Variants in XKR4 observed in about 807,000 individuals in gnomAD.
XKR4 encodes the protein XK related 4, also known as XK-related protein 4.
Under a neutral mutation model 53.9 loss-of-function variants are expected in XKR4, and 12 were observed. The observed-to-expected ratio is 0.22, with a 90% CI of 0.14 to 0.36. The LOEUF is 0.36. Among genes scored for constraint, XKR4 ranks in the 10% least tolerant of loss-of-function variants. The pLI is 1.00. For synonymous variants in XKR4, 354 were observed against 362.4 expected, an observed-to-expected ratio of 0.98 and a Z score of 0.26; for missense variants, 799 against 859.5, an observed-to-expected ratio of 0.93 and a Z score of 0.88.
At position 55,149,359 on chromosome 8, in the gene XKR4, C is replaced by T. The variant is rs147360923; in HGVS notation, c.806+46065C>T. On this transcript the variant is annotated intron_variant, in intron 1 of 2. Transcript: ENST00000327381. ...AAAATATAATACTAGAGCTGCCTTA[C>T]GCTGTGACGTAGGAGAATCTGAAGG... 3.9e-4 allele frequency among the ~76,000 whole-genome samples: 60 copies of T among 152,078 alleles called. 1 individual carries two copies. Among genetic ancestry groups the T allele is most frequent in the South Asian group, 1.2e-3 (6 of 4,808 alleles).
chr8:55,182,661 A>G (rs1210895236), intron 1 of XKR4, among the ~76,000 whole-genome samples: 2 of 152,188 alleles, frequency 1.3e-5, no homozygotes, highest in Non-Finnish European at 2.9e-5. Flanking sequence ...CTATGTGTCT[A>G]TGGCTTTACC....
intron 1 of XKR4, among the ~76,000 whole-genome samples, chr8:55,356,495 A>C (rs1803798112): frequency 6.6e-6 from 1 of 152,260 alleles, no homozygotes; most frequent in Non-Finnish European, 1.5e-5. Flanking sequence ...TAATCATCTT[A>C]TGTGGATCCT....
chr8:55,289,733 GAA>G (rs1478503938), intron 1 of XKR4, among the ~76,000 whole-genome samples: 7 of 43,004 alleles, frequency 1.6e-4, no homozygotes, highest in Non-Finnish European at 2.9e-4. Flanking sequence ...GAGAAAGAAA[GAA>G]AGAAAGAAAA....
intron 1 of XKR4, chr8:55,164,549 G>A (rs1817037917): frequency 7.0e-6 from 3 of 429,030 alleles, no homozygotes; most frequent in Middle Eastern, 3.4e-4. Flanking sequence ...TTTTTACATT[G>A]AGGGTAGTGC....
chr8:55,442,412 A>G (rs996056309), intron 2 of XKR4, among the ~76,000 whole-genome samples: 1 of 152,224 alleles, frequency 6.6e-6, no homozygotes, highest in Non-Finnish European at 1.5e-5. Flanking sequence ...TGTTTTGGAA[A>G]ACAGTTTGAA....
At chr8:55,413,633 G>GT (rs1804805483) in intron 2 of XKR4, among the ~76,000 whole-genome samples, 2 of 152,182 alleles carry the variant, frequency 1.3e-5, no homozygotes, top group South Asian at 4.1e-4. Context: ...AACTAAACAA[G>GT]TTTTTTAAAT....
chr8:55,220,795 G>C (rs1401620389), intron 1 of XKR4, among the ~76,000 whole-genome samples: 4 of 152,192 alleles, frequency 2.6e-5, no homozygotes, highest in Non-Finnish European at 5.9e-5. Flanking sequence ...TACTGAGTAG[G>C]TGATCTTGAA....
At position 55,345,933 on chromosome 8, in the gene XKR4, A is replaced by G. The variant is rs115335523; in HGVS notation, c.807-11745A>G. On this transcript the variant is annotated intron_variant, in intron 1 of 2. Transcript: ENST00000327381. Reference sequence around the variant, plus strand: ...CATTCACTTTTTTTTTGAGACAAATACTGCATCATTTCACTTATATCCAGA... The same window carrying G: ...CATTCACTTTTTTTTTGAGACAAATGCTGCATCATTTCACTTATATCCAGA... Among the ~76,000 whole-genome samples, 1,346 of 152,196 alleles carry G rather than the reference A, an allele frequency of 8.8e-3. 6 individuals are homozygous for G. Among genetic ancestry groups the G allele is most frequent in the Middle Eastern group, 0.027 (8 of 294 alleles).
At chr8:55,480,421 T>TATG (rs1454072445) in intron 2 of XKR4, among the ~76,000 whole-genome samples, 1 of 152,204 alleles carries the variant, frequency 6.6e-6, no homozygotes, top group East Asian at 1.9e-4. Flanking sequence ...AAGAGCTATC[T>TATG]ATGACAAACC....
intron 2 of XKR4, among the ~76,000 whole-genome samples, chr8:55,464,466 G>A (rs888831814): frequency 2.2e-4 from 33 of 152,186 alleles, no homozygotes; most frequent in Admixed American, 4.6e-4. Context: ...ATGTATTGAT[G>A]GGACGTATCT....
chr8:55,416,674 A>T (rs1454618072), intron 2 of XKR4, among the ~76,000 whole-genome samples: 1 of 152,240 alleles, frequency 6.6e-6, no homozygotes, highest in Non-Finnish European at 1.5e-5. Flanking sequence ...GGCAGGGGAC[A>T]GTGGCCAGGG....
intron 2 of XKR4, among the ~76,000 whole-genome samples, chr8:55,518,644 G>GC (rs1180472825): frequency 6.6e-6 from 1 of 152,168 alleles, no homozygotes; most frequent in Non-Finnish European, 1.5e-5. Context: ...TTCATCGTAG[G>GC]CCCGTGGGGT....
Position 55,469,791 on chromosome 8 carries a change from G to A in XKR4, c.1007-53490G>A, listed in dbSNP as rs139015754. On this transcript the variant is annotated intron_variant, in intron 2 of 2. Coordinates refer to ENST00000327381, the MANE Select transcript of XKR4 (RefSeq NM_052898.2). ...TATGAGCTAACTAGGAACAAATCTT[G>A]TACTAAAGATTTGAATGGTTTTCTA... 1.8e-3 allele frequency among the ~76,000 whole-genome samples: 280 copies of A among 152,170 alleles called. 2 individuals carry two copies. The highest frequency in any genetic ancestry group is 6.5e-3 in the African/African-American group (268 of 41,476).
intron 1 of XKR4, among the ~76,000 whole-genome samples, chr8:55,171,800 G>C (rs1310478463): frequency 6.6e-6 from 1 of 151,860 alleles, no homozygotes; most frequent in African/African-American, 2.4e-5. Flanking sequence ...CAGTATCCCC[G>C]AGCTACATTC....
intron 2 of XKR4, among the ~76,000 whole-genome samples, chr8:55,483,765 CA>C (rs34973440): frequency 0.37 from 51,721 of 138,628 alleles, 10,792 homozygotes; most frequent in African/African-American, 0.62. Context: ...CTCCCTTAAA[CA>C]AAAAAAAAAG....
chr8:55,107,121 T>A (rs1816160217), intron 1 of XKR4, among the ~76,000 whole-genome samples: 2 of 152,148 alleles, frequency 1.3e-5, no homozygotes, highest in Admixed American at 1.3e-4. Context: ...TAATAACAAT[T>A]TTATTGGCAC....
chr8:55,514,751 A>G (rs1806686508), intron 2 of XKR4, among the ~76,000 whole-genome samples: 1 of 152,118 alleles, frequency 6.6e-6, no homozygotes, highest in African/African-American at 2.4e-5. Context: ...ACAAAAACTT[A>G]ATTCTATTGG....
At chr8:55,481,254 C>T (rs189558964) in intron 2 of XKR4, among the ~76,000 whole-genome samples, 1 of 152,230 alleles carries the variant, frequency 6.6e-6, no homozygotes, top group African/African-American at 2.4e-5. Flanking sequence ...ATATCTACAA[C>T]CATCTGACTT....
intron 1 of XKR4, among the ~76,000 whole-genome samples, chr8:55,125,234 T>C (rs1226587653): frequency 6.6e-6 from 1 of 152,196 alleles, no homozygotes; most frequent in Middle Eastern, 3.2e-3. Context: ...TCTTTTCTTT[T>C]TTCTTTTTTT....
Sources: gnomAD v4.1 joint callset for allele counts (sites outside exome capture counted in the v4.1 genomes callset) on GRCh38, gnomAD v4.1.1 for gene constraint, MANE v1.5 for transcripts, NCBI Gene and HGNC (gene_info 2026-07-23, HGNC 2026-07-21) for gene names.